The following ZNF100 variants were observed in gnomAD, a reference collection of about 807,000 sequenced individuals.
The protein encoded by ZNF100 is zinc finger protein 100 (Y1).
ZNF100 carries 12 observed loss-of-function variants against 15.8 expected under a neutral mutation model. The observed-to-expected ratio is 0.76, with a 90% CI of 0.49 to 1.23. The LOEUF is 1.23. Ranked by LOEUF, ZNF100 falls within the 50% of genes most tolerant of loss-of-function variation. The probability of loss-of-function intolerance (pLI) is 0.00; values close to 1 mark genes in which losing one functional copy is unlikely to be tolerated. For synonymous variants in ZNF100, 226 were observed against 214.8 expected (o/e 1.05, Z -0.45); for missense variants, 670 against 635.6 (o/e 1.05, Z -0.58).
intron 4 of ZNF100, among the ~76,000 whole-genome samples, chr19:21,735,118 G>A (rs1217633827): frequency 6.6e-6 from 1 of 152,090 alleles, no homozygotes; most frequent in Non-Finnish European, 1.5e-5. Context: ...AAAGACCAAT[G>A]ACACTACAAA....
chr19:21,763,363 G>C (rs543214091), intron 2 of ZNF100, among the ~76,000 whole-genome samples: 1 of 152,052 alleles, frequency 6.6e-6, no homozygotes, highest in African/African-American at 2.4e-5. Context: ...TTGGGAGACC[G>C]AGGTGGGCAG....
chr19:21,765,049 C>G (rs1436210106), intron 2 of ZNF100, among the ~76,000 whole-genome samples: 1 of 152,182 alleles, frequency 6.6e-6, no homozygotes, highest in Non-Finnish European at 1.5e-5. Context: ...TCCTAACTCA[C>G]TCTGGGAAAA....
At chr19:21,739,400 C>A (rs984958209) in intron 4 of ZNF100, among the ~76,000 whole-genome samples, 1 of 152,032 alleles carries the variant, frequency 6.6e-6, no homozygotes, top group Non-Finnish European at 1.5e-5. Flanking sequence ...TAGAAATAAT[C>A]AAAAAATTAG....
chr19:21,745,821 C>A (rs891289122), intron 2 of ZNF100, among the ~76,000 whole-genome samples: 1 of 152,164 alleles, frequency 6.6e-6, no homozygotes, highest in Non-Finnish European at 1.5e-5. Context: ...CACGCCCGGC[C>A]GAGTTTCTGA....
At chr19:21,731,029 AT>A (rs2035907659) in intron 4 of ZNF100, among the ~76,000 whole-genome samples, 1 of 152,170 alleles carries the variant, frequency 6.6e-6, no homozygotes, top group African/African-American at 2.4e-5. Context: ...CCAAAAGTAT[AT>A]AAAATGTCAA....
intron 2 of ZNF100, among the ~76,000 whole-genome samples, chr19:21,745,404 G>C (rs1179525553): frequency 6.6e-6 from 1 of 152,144 alleles, no homozygotes; most frequent in Non-Finnish European, 1.5e-5. Flanking sequence ...ACAAAAAAGA[G>C]ATGTTGAGTT....
intron 4 of ZNF100, among the ~76,000 whole-genome samples, chr19:21,731,966 T>C (rs1353526367): frequency 1.3e-5 from 2 of 152,156 alleles, no homozygotes; most frequent in African/African-American, 4.8e-5. Context: ...AAATATTTGA[T>C]AATGGGCCTG....
At chr19:21,736,234 C>G (rs2036006759) in intron 4 of ZNF100, among the ~76,000 whole-genome samples, 1 of 152,148 alleles carries the variant, frequency 6.6e-6, no homozygotes, top group East Asian at 1.9e-4. Flanking sequence ...ATTACAGGCA[C>G]CAACCACTAT....
rs376879977 is a variant in ZNF100, at chr19:21,761,530, C to T, written c.96+4164G>A. Among the ~76,000 whole-genome samples the T allele has an allele frequency of 2.0e-4, 31 of 152,096 alleles. 1 individual carries two copies. In the East Asian group the frequency reaches 3.1e-3, roughly 15 times the overall value. On this transcript the variant is annotated intron_variant, in intron 2 of 4. Transcript: ENST00000358296. Reference sequence around the variant, plus strand: ...GCCCCTGTACAGGGTTCCTGGCTAGCGGTAAATAAAAAAATTTCTTATCTG... The same window carrying T: ...GCCCCTGTACAGGGTTCCTGGCTAGTGGTAAATAAAAAAATTTCTTATCTG...
intron 2 of ZNF100, among the ~76,000 whole-genome samples, chr19:21,755,402 G>C (rs2036377861): frequency 6.6e-6 from 1 of 151,894 alleles, no homozygotes; most frequent in Non-Finnish European, 1.5e-5. Flanking sequence ...TCTCACACCA[G>C]TCAGAATGGT....
chr19:21,723,398 G>C lies in ZNF100; in HGVS notation c.*3285C>G, dbSNP rs34926877. The C allele has an allele frequency of 0.092, 13,508 of 147,352 alleles. 829 individuals carry two copies. The highest frequency in any genetic ancestry group is 0.18 in the South Asian group (839 of 4,674). 9.1% of individuals were successfully genotyped at this position (147,352 alleles called of 1,614,324 possible). A position where few individuals can be genotyped will look rare whatever the true frequency, so the allele number is the denominator to read the frequency against. On this transcript the variant is annotated 3_prime_UTR_variant, in exon 5 of 5. Coordinates refer to ENST00000358296, the MANE Select transcript of ZNF100 (RefSeq NM_173531.4). Reference sequence around the variant, plus strand: ...AAAAAAAAAAACAACCAACTTTCTCGTCAAAATTTACAAAGTACCATGTGA... The same window carrying C: ...AAAAAAAAAAACAACCAACTTTCTCCTCAAAATTTACAAAGTACCATGTGA...
At chr19:21,761,144 T>C (rs548350672) in intron 2 of ZNF100, among the ~76,000 whole-genome samples, 3 of 152,302 alleles carry the variant, frequency 2.0e-5, no homozygotes, top group South Asian at 2.1e-4. Context: ...ACTGAACTAA[T>C]AGAAGACTGA....
chr19:21,727,103 A>G lies in ZNF100; in HGVS notation c.1209T>C (p.Cys403=), dbSNP rs371546506. ...TSHTGEKFYK[C]EECGKGFNWS... ...AGTTAAAGCCTTTGCCGCATTCTTC[A>G]CATTTGTAGAATTTCTCTCCAGTAT... The change falls in exon 5 of 5, where the codon TGT becomes TGC. Residue 403 remains cysteine, a synonymous_variant. Coordinates refer to ENST00000358296, the MANE Select transcript of ZNF100 (RefSeq NM_173531.4). The G allele has an allele frequency of 1.2e-6, 2 of 1,613,478 alleles. No individual in the cohort carries two copies. The highest frequency in any genetic ancestry group is 2.7e-5 in the African/African-American group (2 of 74,822).
At chr19:21,734,328 A>G (rs1375391275) in intron 4 of ZNF100, among the ~76,000 whole-genome samples, 1 of 152,060 alleles carries the variant, frequency 6.6e-6, no homozygotes, top group Non-Finnish European at 1.5e-5. Context: ...AAAACATTAC[A>G]GGAGCTGTTA....
intron 3 of ZNF100, 31 bp from the exon 4 acceptor site, chr19:21,744,146 C>G: frequency 6.4e-7 from 1 of 1,560,874 alleles, no homozygotes; most frequent in Non-Finnish European, 8.7e-7. Context: ...ATGAATCTTT[C>G]TCATATTCTC....
chr19:21,751,050 C>T, intron 2 of ZNF100: 2 of 1,371,460 alleles, frequency 1.5e-6, no homozygotes, highest in South Asian at 1.2e-5. Context: ...TCAGCGACCA[C>T]GAGATGCCCT....
chr19:21,764,762 C>T (rs978707401), intron 2 of ZNF100, among the ~76,000 whole-genome samples: 3 of 151,792 alleles, frequency 2.0e-5, no homozygotes, highest in Non-Finnish European at 2.9e-5. Flanking sequence ...TAAACAGTAC[C>T]GAGTTTCATC....
chr19:21,743,165 T>A (rs558281798), intron 4 of ZNF100: 5 of 152,136 alleles, frequency 3.3e-5, no homozygotes, highest in Admixed American at 6.5e-5. Flanking sequence ...GAGGTGGAGG[T>A]TGCAGTGAAC....
intron 2 of ZNF100, among the ~76,000 whole-genome samples, chr19:21,747,681 A>G (rs2036234878): frequency 6.6e-6 from 1 of 152,208 alleles, no homozygotes; most frequent in Non-Finnish European, 1.5e-5. Context: ...CTCCATCCTG[A>G]AGTTTTATAT....
Sources: gnomAD v4.1 joint callset for allele counts (sites outside exome capture counted in the v4.1 genomes callset) on GRCh38, gnomAD v4.1.1 for gene constraint, MANE v1.5 for transcripts, NCBI Gene and HGNC (gene_info 2026-07-23, HGNC 2026-07-21) for gene names.